ITPR2: variants seen among roughly 807,000 people sequenced by gnomAD.
The protein encoded by ITPR2 is inositol 1,4,5-trisphosphate receptor type 2.
Under a neutral mutation model 317.1 loss-of-function variants are expected in ITPR2, and 207 were observed. That is an observed-to-expected ratio of 0.65 (90% confidence interval 0.58 to 0.73). The LOEUF (loss-of-function observed/expected upper bound fraction) is 0.73, where lower values mean the gene tolerates loss of function less well. Among genes scored for constraint, ITPR2 ranks in the 30% least tolerant of loss-of-function variants. The pLI, the probability that ITPR2 is intolerant of heterozygous loss-of-function variation, is 0.00. For missense variants in ITPR2, 2,613 were observed against 3,284.0 expected (o/e 0.80, Z 4.99); for synonymous variants, 1,156 against 1,149.1 (o/e 1.01, Z -0.12).
chr12:26,750,221 AT>A (rs1281092020), intron 2 of ITPR2, among the ~76,000 whole-genome samples: 1 of 152,164 alleles, frequency 6.6e-6, no homozygotes, highest in Non-Finnish European at 1.5e-5. Flanking sequence ...CTGGATTTTC[AT>A]TGTTGCAATG....
intron 26 of ITPR2, among the ~76,000 whole-genome samples, chr12:26,619,372 A>C (rs532172348): frequency 6.6e-6 from 1 of 152,318 alleles, no homozygotes; most frequent in Non-Finnish European, 1.5e-5. Context: ...CTGCTAGAAG[A>C]ATCCAGTTTT....
chr12:26,522,168 G>T (rs955437698), intron 37 of ITPR2, among the ~76,000 whole-genome samples: 4 of 152,062 alleles, frequency 2.6e-5, no homozygotes, highest in Non-Finnish European at 2.9e-5. Context: ...ATAAATACTC[G>T]AAACTTTCAG....
chr12:26,641,836 G>A (rs769457298), intron 21 of ITPR2, among the ~76,000 whole-genome samples: 1 of 152,150 alleles, frequency 6.6e-6, no homozygotes, highest in Non-Finnish European at 1.5e-5. Context: ...GAAAAGCTGG[G>A]AGGTGGAATG....
At chr12:26,587,292 T>C (rs1417550838) in intron 32 of ITPR2, among the ~76,000 whole-genome samples, 2 of 150,706 alleles carry the variant, frequency 1.3e-5, no homozygotes, top group African/African-American at 4.9e-5. Context: ...TATATATATA[T>C]ATATATATGT....
intron 1 of ITPR2, among the ~76,000 whole-genome samples, chr12:26,814,227 G>A (rs533876299): frequency 1.3e-5 from 2 of 152,256 alleles, no homozygotes; most frequent in East Asian, 1.9e-4. Context: ...TGATGACGCC[G>A]CAGAATGAAG....
intron 9 of ITPR2, among the ~76,000 whole-genome samples, chr12:26,695,865 G>T (rs1262380061): frequency 1.3e-5 from 2 of 152,116 alleles, no homozygotes; most frequent in Admixed American, 1.3e-4. Flanking sequence ...CATTGCCTTG[G>T]TTTATATCAG....
chr12:26,720,023 C>G (rs559093886), intron 5 of ITPR2, among the ~76,000 whole-genome samples: 1 of 152,066 alleles, frequency 6.6e-6, no homozygotes, highest in Non-Finnish European at 1.5e-5. Flanking sequence ...TATTTATGTT[C>G]TCTGCTCATA....
intron 10 of ITPR2, among the ~76,000 whole-genome samples, chr12:26,690,389 ATCCTTAAAAGGAGTATGTGTCATCTAATT>A (rs1948214273): frequency 6.6e-6 from 1 of 152,106 alleles, no homozygotes; most frequent in South Asian, 2.1e-4. Context: ...AAAATAGCAT[ATCCTTAAAAGGAGTATGTGTCATCTAATT>A]TCCTGAGTCT....
At chr12:26,439,701 T>C (rs1941440535) in intron 46 of ITPR2, among the ~76,000 whole-genome samples, 1 of 152,220 alleles carries the variant, frequency 6.6e-6, no homozygotes, top group South Asian at 2.1e-4. Flanking sequence ...ATGTTATTTG[T>C]ATCTTGTTCT....
chr12:26,439,597 C>T (rs891994186), intron 46 of ITPR2, among the ~76,000 whole-genome samples: 4 of 152,196 alleles, frequency 2.6e-5, no homozygotes, highest in Non-Finnish European at 4.4e-5. Context: ...CATTACACTT[C>T]TGCCACCCAT....
At chr12:26,340,446 G>A in intron 55 of ITPR2, 118 bp from the exon 56 acceptor site, 1 of 1,081,398 alleles carries the variant, frequency 9.2e-7, no homozygotes, top group Non-Finnish European at 1.2e-6. Context: ...ATTGGAGAGA[G>A]AAAACCTGGC....
intron 13 of ITPR2, among the ~76,000 whole-genome samples, chr12:26,675,510 C>G (rs760417170): frequency 6.7e-6 from 1 of 148,940 alleles, no homozygotes; most frequent in African/African-American, 2.5e-5. Context: ...AACATATGTT[C>G]ACAGGAAGGG....
chr12:26,710,718 C>T (rs1178020278), intron 9 of ITPR2, among the ~76,000 whole-genome samples: 2 of 152,108 alleles, frequency 1.3e-5, no homozygotes, highest in African/African-American at 4.8e-5. Context: ...GACAGTTTTA[C>T]GAAGAAAACA....
chr12:26,436,011 C>T (rs146312616), intron 48 of ITPR2, among the ~76,000 whole-genome samples: 12 of 152,184 alleles, frequency 7.9e-5, no homozygotes, highest in African/African-American at 2.9e-4. Flanking sequence ...TATAATATAG[C>T]TCTAATAACA....
In ITPR2 at chr12:26,493,790, T is replaced by C. The variant is rs80319733; in HGVS notation, c.5370+363A>G. Among the ~76,000 whole-genome samples, 203 of 152,226 alleles carry C rather than the reference T, an allele frequency of 1.3e-3. 1 individual carries two copies. The highest frequency in any genetic ancestry group is 4.6e-3 in the African/African-American group (193 of 41,566). ...CCAGCACTCGGGCTCATGCAGCATGTTTTGCTTTTGGGTGTCGTCAACCCT... is the reference window on the plus strand; with the variant it reads ...CCAGCACTCGGGCTCATGCAGCATGCTTTGCTTTTGGGTGTCGTCAACCCT... On this transcript the variant is annotated intron_variant, in intron 39 of 56. Coordinates refer to ENST00000381340, the MANE Select transcript of ITPR2 (RefSeq NM_002223.4).
chr12:26,799,621 C>A (rs1278278934), intron 1 of ITPR2, among the ~76,000 whole-genome samples: 1 of 152,188 alleles, frequency 6.6e-6, no homozygotes, highest in South Asian at 2.1e-4. Context: ...CCTAATCCAG[C>A]CAAAGAAAAA....
chr12:26,534,807 C>G (rs1326121578), intron 37 of ITPR2, among the ~76,000 whole-genome samples: 4 of 152,212 alleles, frequency 2.6e-5, no homozygotes, highest in African/African-American at 9.6e-5. Flanking sequence ...TGTAATCAAA[C>G]AGTCTTTCAA....
At chr12:26,728,189 G>A (rs1419667412) in intron 2 of ITPR2, among the ~76,000 whole-genome samples, 1 of 152,168 alleles carries the variant, frequency 6.6e-6, no homozygotes, top group Admixed American at 6.5e-5. Context: ...CCCGAAACCC[G>A]CTGCTGTTGT....
At position 26,391,555 on chromosome 12, in the gene ITPR2, C is replaced by CTTTTTTTTTTTTTTTTTTTTTTTTT. The variant is rs1491173931; in HGVS notation, c.7697-3962_7697-3961insAAAAAAAAAAAAAAAAAAAAAAAAA. 4.1e-4 allele frequency among the ~76,000 whole-genome samples: 29 copies of CTTTTTTTTTTTTTTTTTTTTTTTTT among 70,854 alleles called. 7 individuals are homozygous for CTTTTTTTTTTTTTTTTTTTTTTTTT. Among genetic ancestry groups the CTTTTTTTTTTTTTTTTTTTTTTTTT allele is most frequent in the South Asian group, 5.8e-4 (1 of 1,712 alleles). 46.5% of individuals were successfully genotyped at this position (70,854 alleles called of 152,430 possible). A position where few individuals can be genotyped will look rare whatever the true frequency, so the allele number is the denominator to read the frequency against. On this transcript the variant is annotated intron_variant, in intron 54 of 56. Transcript: ENST00000381340. ...AGCTTCTTCTTCTTCTTCTTCTTTTCCTTTTTTTTTTTTTTTTTTTTTTTT... is the reference window on the plus strand; with the variant it reads ...AGCTTCTTCTTCTTCTTCTTCTTTTCTTTTTTTTTTTTTTTTTTTTTTTTTCTTTTTTTTTTTTTTTTTTTTTTTT...
Sources: allele counts gnomAD v4.1 joint callset (sites outside exome capture counted in the v4.1 genomes callset), GRCh38; gene constraint gnomAD v4.1.1; transcripts MANE v1.5; gene names NCBI Gene and HGNC (gene_info 2026-07-23, HGNC 2026-07-21).